The following FILIP1L variants were observed in gnomAD, a reference collection of about 807,000 sequenced individuals.
FILIP1L encodes filamin A-interacting protein 1-like.
Under a neutral mutation model 96.6 loss-of-function variants are expected in FILIP1L, and 55 were observed. The ratio of observed to expected loss-of-function variants is 0.57; its 90% CI spans 0.46 to 0.71. FILIP1L has a LOEUF of 0.71. FILIP1L is among the 30% of genes least tolerant of loss of function. The probability of loss-of-function intolerance (pLI) is 0.00; values close to 1 mark genes in which losing one functional copy is unlikely to be tolerated. For missense variants in FILIP1L, 1,304 were observed against 1,321.2 expected (o/e 0.99, Z 0.20); for synonymous variants, 467 against 473.9 (o/e 0.99, Z 0.19).
At chr3:99,899,815 G>T (rs763418342) in intron 4 of FILIP1L, among the ~76,000 whole-genome samples, 12 of 152,100 alleles carry the variant, frequency 7.9e-5, no homozygotes, top group Admixed American at 2.0e-4. Context: ...CTGTGCCACC[G>T]TTTTCTCATC....
chr3:100,004,398 C>T (rs534672244), intron 1 of FILIP1L, among the ~76,000 whole-genome samples: 1 of 152,186 alleles, frequency 6.6e-6, no homozygotes, highest in East Asian at 1.9e-4. Flanking sequence ...ATCAAATATT[C>T]TTTGTGTTCA....
intron 1 of FILIP1L, among the ~76,000 whole-genome samples, chr3:100,093,483 A>T (rs1307355458): frequency 6.6e-6 from 1 of 152,212 alleles, no homozygotes; most frequent in Admixed American, 6.5e-5. Flanking sequence ...TTTTTTAAGT[A>T]AACTTTTTAC....
At chr3:100,062,093 C>CTTTTTTTTTTTTTTTTTTTTTTTTT (rs71907944) in intron 1 of FILIP1L, among the ~76,000 whole-genome samples, 3 of 53,182 alleles carry the variant, frequency 5.6e-5, no homozygotes, top group East Asian at 5.2e-4. Flanking sequence ...CTGTCTTCTT[C>CTTTTTTTTTTTTTTTTTTTTTTTTT]TTTTTTTTTT....
At chr3:99,922,769 A>T (rs1707164534) in intron 4 of FILIP1L, among the ~76,000 whole-genome samples, 1 of 152,076 alleles carries the variant, frequency 6.6e-6, no homozygotes, top group African/African-American at 2.4e-5. Flanking sequence ...AAAATAATCT[A>T]CCCTACATAT....
intron 1 of FILIP1L, among the ~76,000 whole-genome samples, chr3:100,069,907 CTT>C (rs1354432581): frequency 6.6e-6 from 1 of 152,022 alleles, no homozygotes; most frequent in African/African-American, 2.4e-5. Context: ...TTGTTGGAAA[CTT>C]AAAAAAAGAA....
intron 1 of FILIP1L, among the ~76,000 whole-genome samples, chr3:99,948,253 A>G (rs527787558): frequency 6.6e-6 from 1 of 152,314 alleles, no homozygotes; most frequent in African/African-American, 2.4e-5. Context: ...CAGGCCAGGC[A>G]TGGTGTCTCA....
intron 1 of FILIP1L, chr3:100,025,393 T>A (rs1038326218): frequency 7.2e-5 from 11 of 152,332 alleles, no homozygotes; most frequent in African/African-American, 2.6e-4. Context: ...AGATTTTTTT[T>A]AAATCACTTT....
chr3:100,018,071 G>A (rs1438376343), intron 1 of FILIP1L, among the ~76,000 whole-genome samples: 3 of 152,172 alleles, frequency 2.0e-5, no homozygotes, highest in Non-Finnish European at 4.4e-5. Context: ...GCTCACGCCT[G>A]TAATCTCAGC....
Position 99,844,574 on chromosome 3 carries a change from A to T in FILIP1L, c.3381+3721T>A, listed in dbSNP as rs1576504093. 2.6e-5 allele frequency among the ~76,000 whole-genome samples: 4 copies of T among 152,334 alleles called. No individual in the cohort carries two copies. In the South Asian group the frequency reaches 6.2e-4, roughly 24 times the overall value. ...TCAAAGAAGCTACTAAAACGTTTTTATTGGGAGTTTTACTTCAACCAGTAA... is the reference window on the plus strand; with the variant it reads ...TCAAAGAAGCTACTAAAACGTTTTTTTTGGGAGTTTTACTTCAACCAGTAA... On this transcript the variant is annotated intron_variant, in intron 5 of 5. Coordinates refer to ENST00000477258, the MANE Select transcript of FILIP1L (RefSeq NM_001387850.1).
At chr3:99,866,497 A>G (rs1048823597) in intron 4 of FILIP1L, among the ~76,000 whole-genome samples, 2 of 152,202 alleles carry the variant, frequency 1.3e-5, no homozygotes, top group Non-Finnish European at 2.9e-5. Flanking sequence ...CAGCCTGAAG[A>G]GTATAAAATG....
intron 1 of FILIP1L, among the ~76,000 whole-genome samples, chr3:100,017,827 C>T (rs1259002634): frequency 6.6e-6 from 1 of 152,170 alleles, no homozygotes; most frequent in Non-Finnish European, 1.5e-5. Flanking sequence ...TTCAGGTCTT[C>T]AGATCCAGAC....
intron 1 of FILIP1L, among the ~76,000 whole-genome samples, chr3:99,961,530 A>G (rs541984975): frequency 6.6e-5 from 10 of 152,252 alleles, no homozygotes; most frequent in African/African-American, 2.4e-4. Context: ...GTGTGAACCC[A>G]TCCAGTGACG....
At chr3:99,962,013 G>C (rs1430761736) in intron 1 of FILIP1L, among the ~76,000 whole-genome samples, 1 of 152,162 alleles carries the variant, frequency 6.6e-6, no homozygotes, top group Non-Finnish European at 1.5e-5. Context: ...CTTGCTGATT[G>C]GGGGTTAGGG....
chr3:99,846,027 T>C (rs1047251849), intron 5 of FILIP1L, among the ~76,000 whole-genome samples: 5 of 152,230 alleles, frequency 3.3e-5, no homozygotes, highest in Non-Finnish European at 7.3e-5. Flanking sequence ...AACTTTATTA[T>C]AGAGAATTTC....
intron 4 of FILIP1L, among the ~76,000 whole-genome samples, chr3:99,855,754 T>C (rs973290642): frequency 1.3e-5 from 2 of 152,234 alleles, no homozygotes; most frequent in African/African-American, 4.8e-5. Context: ...TGTTCTTATA[T>C]CTGCCAAAAG....
At chr3:100,076,132 T>C (rs1314628975) in intron 1 of FILIP1L, among the ~76,000 whole-genome samples, 1 of 152,204 alleles carries the variant, frequency 6.6e-6, no homozygotes, top group African/African-American at 2.4e-5. Flanking sequence ...AGAAATATAT[T>C]TGTTAGTTAT....
chr3:100,036,792 TTA>T (rs200789326), intron 1 of FILIP1L, among the ~76,000 whole-genome samples: 1,547 of 152,278 alleles, frequency 0.01, 33 homozygotes, highest in African/African-American at 0.035. Context: ...TAGTGACACT[TTA>T]ACCAAGTGAT....
chr3:100,029,155 G>A (rs577967966), intron 1 of FILIP1L, among the ~76,000 whole-genome samples: 34 of 151,786 alleles, frequency 2.2e-4, no homozygotes, highest in Admixed American at 3.3e-4. Flanking sequence ...GCAAGACCTC[G>A]TCTTTAAAAA....
intron 4 of FILIP1L, among the ~76,000 whole-genome samples, chr3:99,856,043 C>T (rs183817238): frequency 1.3e-5 from 2 of 152,264 alleles, no homozygotes; most frequent in African/African-American, 4.8e-5. Context: ...GCTGAAGAAA[C>T]AAGGCACTGC....
Sources: allele counts gnomAD v4.1 joint callset (sites outside exome capture counted in the v4.1 genomes callset), GRCh38; gene constraint gnomAD v4.1.1; transcripts MANE v1.5; gene names NCBI Gene and HGNC (gene_info 2026-07-23, HGNC 2026-07-21).